SCAP: variants seen among roughly 807,000 people sequenced by gnomAD.
SCAP encodes SREBF chaperone.
In SCAP, 65 loss-of-function variants were observed where a neutral mutation model predicts 123.6. The ratio of observed to expected loss-of-function variants is 0.53; its 90% CI spans 0.43 to 0.65. The LOEUF (loss-of-function observed/expected upper bound fraction) is 0.65. SCAP is among the 30% of genes least tolerant of loss of function. SCAP has a pLI of 0.00. For synonymous variants in SCAP, 740 were observed against 726.3 expected (o/e 1.02, Z -0.30); for missense variants, 1,398 against 1,712.5 (o/e 0.82, Z 3.24).
chr3:47,419,253 G>C lies in SCAP; in HGVS notation c.1940+75C>G. The C allele has an allele frequency of 6.6e-7, 1 of 1,508,994 alleles. No individual in the cohort carries two copies. The highest frequency in any genetic ancestry group is 9.0e-7 in the Non-Finnish European group (1 of 1,117,028). 93.5% of individuals were successfully genotyped at this position (1,508,994 alleles called of 1,614,324 possible). A position where few individuals can be genotyped will look rare whatever the true frequency, so the allele number is the denominator to read the frequency against. On this transcript the variant is annotated intron_variant, in intron 13 of 22. Coordinates refer to ENST00000265565, the MANE Select transcript of SCAP (RefSeq NM_012235.4). The surrounding 1 kb of genome is among the most constrained non-coding windows in gnomAD (Gnocchi z 5.0). ...TTATTTGCATAATTCAAACCTGTGG[G>C]CCTCCTGCATTGGGGAAAGGGGATG...
Position 47,420,424 on chromosome 3 carries a change from G to A in SCAP, c.1563+130C>T, listed in dbSNP as rs529688082. 2,004 of 813,576 alleles carry A rather than the reference G, an allele frequency of 2.5e-3. 8 individuals carry two copies. Among genetic ancestry groups the A allele is most frequent in the Non-Finnish European group, 3.1e-3 (1,658 of 531,210 alleles). The allele number at this position is 813,576 out of a possible 1,614,324, so 50.4% of individuals were successfully genotyped here. A position where few individuals can be genotyped will look rare whatever the true frequency, so the allele number is the denominator to read the frequency against. The stretch of plus-strand genomic sequence containing the variant: ...AGGACACAACGGGCAACTCCCCAGA[G>A]CCAGGCTTCCAGGGGCCACCAGGGC... On this transcript the variant is annotated intron_variant, in intron 12 of 22. Coordinates refer to ENST00000265565, the MANE Select transcript of SCAP (RefSeq NM_012235.4). The surrounding 1 kb of genome is among the most constrained non-coding windows in gnomAD (Gnocchi z 5.0).
intron 1 of SCAP, among the ~76,000 whole-genome samples, chr3:47,455,894 G>C (rs964529393): frequency 3.5e-4 from 54 of 152,258 alleles, no homozygotes; most frequent in Non-Finnish European, 2.1e-4. Flanking sequence ...AAACATGCTA[G>C]AGTAATTAAA....
intron 1 of SCAP, among the ~76,000 whole-genome samples, chr3:47,445,468 G>C (rs1706998279): frequency 6.6e-6 from 1 of 151,412 alleles, no homozygotes; most frequent in African/African-American, 2.4e-5. Flanking sequence ...GGCTGCTCTC[G>C]AACTCCTAAC....
rs1708123650 is a variant in SCAP at position 47,473,086 on chromosome 3, A to AAAAAACAAAAAAAAAAAAAC, written c.-99+2712_-99+2713insGTTTTTTTTTTTTTGTTTTT. Among the ~76,000 whole-genome samples, 3 of 144,066 alleles carry AAAAAACAAAAAAAAAAAAAC rather than the reference A, an allele frequency of 2.1e-5. No individual in the cohort carries two copies. In the Admixed American group the frequency reaches 2.1e-4, roughly 10 times the overall value. The allele number at this position is 144,066 out of a possible 152,430, so 94.5% of individuals were successfully genotyped here. A position where few individuals can be genotyped will look rare whatever the true frequency, so the allele number is the denominator to read the frequency against. On this transcript the variant is annotated intron_variant, in intron 1 of 22. Coordinates refer to ENST00000265565, the MANE Select transcript of SCAP (RefSeq NM_012235.4). ...GAAGAGCGAAACTCCATCTCAAAAA[A>AAAAAACAAAAAAAAAAAAAC]AAAAAAAAAAAAACAGACTGTGGAA...
chr3:47,465,408 A>G (rs1707786073), intron 1 of SCAP, among the ~76,000 whole-genome samples: 1 of 152,162 alleles, frequency 6.6e-6, no homozygotes, highest in African/African-American at 2.4e-5. Context: ...TCTTTAAATG[A>G]CAACGTTATC....
At chr3:47,447,704 A>T (rs59995300) in intron 1 of SCAP, among the ~76,000 whole-genome samples, 20 of 150,856 alleles carry the variant, frequency 1.3e-4, no homozygotes, top group Non-Finnish European at 1.5e-5. Context: ...AAAAAAGAAA[A>T]GAAAAGAAAA....
At chr3:47,434,079 C>T (rs141687171) in intron 3 of SCAP, among the ~76,000 whole-genome samples, 1 of 152,300 alleles carries the variant, frequency 6.6e-6, no homozygotes, top group Non-Finnish European at 1.5e-5. Context: ...CCACTGACAC[C>T]ATGTATAGTT....
At position 47,417,505 on chromosome 3, in the gene SCAP, C is replaced by G; in HGVS notation, c.2769G>C (p.Glu923Asp). The change falls in exon 17 of 23, where the codon GAG becomes GAC. Residue 923 changes from glutamate to aspartate, a missense_variant. Glu to Asp is a conservative substitution (Grantham distance 45). This residue lies in a region of SCAP where 828 missense variants were observed against 882.5 expected (regional missense o/e 0.94). Coordinates refer to ENST00000265565, the MANE Select transcript of SCAP (RefSeq NM_012235.4). ...CTGGTGTGCAGACGGCCGCCAGCCC[C>G]TCCTCCTGGTACACCCGCTGCACCA... ...SCLVQRVYQE[E>D]GLAAVCTPAL... 6.4e-7 allele frequency: 1 copy of G among 1,554,940 alleles called. No individual in the cohort carries two copies. The highest frequency in any genetic ancestry group is 8.7e-7 in the Non-Finnish European group (1 of 1,149,950).
At position 47,435,468 on chromosome 3, in the gene SCAP, ATAC is replaced by A. The variant is rs1706537900; in HGVS notation, c.123-334_123-332del. Among the ~76,000 whole-genome samples, 5 of 34,232 alleles carry A rather than the reference ATAC, an allele frequency of 1.5e-4. No homozygotes were observed. In the Admixed American group the frequency reaches 1.9e-3, roughly 13 times the overall value. 22.5% of individuals were successfully genotyped at this position (34,232 alleles called of 152,430 possible). On this transcript the variant is annotated intron_variant, in intron 2 of 22. Coordinates refer to ENST00000265565, the MANE Select transcript of SCAP (RefSeq NM_012235.4). ...TAACATTAACATATATAATATAAAC[ATAC>A]ACACACACACACACACACACACACA... is the stretch of plus-strand genomic sequence containing the variant.
chr3:47,426,680 G>A (rs995056656), intron 6 of SCAP, among the ~76,000 whole-genome samples: 1 of 152,032 alleles, frequency 6.6e-6, no homozygotes, highest in Non-Finnish European at 1.5e-5. Context: ...CTCATGATCC[G>A]CCTGCCTCGG....
At chr3:47,428,421 C>G (rs1191870506) in intron 4 of SCAP, 92 bp downstream of exon 4, 2 of 1,313,686 alleles carry the variant, frequency 1.5e-6, no homozygotes, top group Non-Finnish European at 2.1e-6. Flanking sequence ...CTCTGCAGAG[C>G]TGACTGGCTC....
In SCAP at chr3:47,455,985, T is replaced by C. The variant is rs1167110653; in HGVS notation, c.-98-12894A>G. Among the ~76,000 whole-genome samples the C allele has an allele frequency of 3.3e-5, 5 of 152,360 alleles. No homozygotes were observed. In the East Asian group the frequency reaches 9.6e-4, roughly 29 times the overall value. ...AGGAATAGACCAAAATGTACACATATGGCAAAGTATACTATATACAGTAAA... is the reference window on the plus strand; with the variant it reads ...AGGAATAGACCAAAATGTACACATACGGCAAAGTATACTATATACAGTAAA... On this transcript the variant is annotated intron_variant, in intron 1 of 22. Transcript: ENST00000265565.
Position 47,420,425 on chromosome 3 carries a change from C to A in SCAP, c.1563+129G>T, listed in dbSNP as rs1234577500. On this transcript the variant is annotated intron_variant, in intron 12 of 22. Transcript: ENST00000265565. The surrounding 1 kb of genome is among the most constrained non-coding windows in gnomAD (Gnocchi z 5.0). Reference sequence around the variant, plus strand: ...GGACACAACGGGCAACTCCCCAGAGCCAGGCTTCCAGGGGCCACCAGGGCC... The same window carrying A: ...GGACACAACGGGCAACTCCCCAGAGACAGGCTTCCAGGGGCCACCAGGGCC... The A allele has an allele frequency of 2.3e-5, 19 of 824,892 alleles. No homozygotes were observed. The highest frequency in any genetic ancestry group is 3.3e-5 in the Non-Finnish European group (18 of 541,698). 51.1% of individuals were successfully genotyped at this position (824,892 alleles called of 1,614,324 possible).
Position 47,417,452 on chromosome 3 carries a change from A to T in SCAP, c.2822T>A (p.Val941Glu). 6.4e-7 allele frequency: 1 copy of T among 1,552,218 alleles called. No individual in the cohort carries two copies. The highest frequency in any genetic ancestry group is 1.4e-5 in the African/African-American group (1 of 72,966). Residue 941 changes from valine (V) to glutamate (E), a missense_variant, in exon 17 of 23, where the codon GTG becomes GAG. Physicochemically the swap from Val to Glu is moderately radical, Grantham distance 121 (BLOSUM62 -2). This residue lies in a region of SCAP where 828 missense variants were observed against 882.5 expected (regional missense o/e 0.94). Transcript: ENST00000265565. ...CTCGTCCTCAGGGGCCTGGGACAGC[A>T]CCGGCCCAGGCGAGGGTGGGCGCAG... ...PALRPPSPGP[V>E]LSQAPEDEGG...
chr3:47,458,811 ATTTC>A (rs1403399495), intron 1 of SCAP, among the ~76,000 whole-genome samples: 2 of 152,048 alleles, frequency 1.3e-5, no homozygotes, highest in Non-Finnish European at 2.9e-5. Context: ...ATTTTTATTT[ATTTC>A]TTTATTTGAG....
In SCAP at chr3:47,447,464, C is replaced by T. The variant is rs9867204; in HGVS notation, c.-98-4373G>A. Among the ~76,000 whole-genome samples, 218 of 152,054 alleles carry T rather than the reference C, an allele frequency of 1.4e-3. 1 individual carries two copies. Among genetic ancestry groups the T allele is most frequent in the African/African-American group, 5.0e-3 (209 of 41,456 alleles). On this transcript the variant is annotated intron_variant, in intron 1 of 22. Transcript: ENST00000265565. ...TAGAACTTGGTGAGGCAAAGGTGGG[C>T]GGATTACAAGGTCAGAAGTTCAAGA...
At chr3:47,434,730 G>A (rs548767810) in intron 3 of SCAP, 23 of 298,840 alleles carry the variant, frequency 7.7e-5, no homozygotes, top group South Asian at 2.7e-4. Flanking sequence ...CCAGCTAATC[G>A]GGAGGCTGAG....
At chr3:47,424,097 G>T in intron 8 of SCAP, 52 bp from the exon 9 acceptor site, 2 of 1,383,360 alleles carry the variant, frequency 1.4e-6, no homozygotes, top group Non-Finnish European at 2.1e-6. Context: ...GTTCCCAACA[G>T]ACTGGGGCCC....
At chr3:47,476,180 A>C (rs73081205), upstream of SCAP, 56,959 of 152,078 alleles carry the variant, frequency 0.37, 11,088 homozygotes, top group East Asian at 0.53. Flanking sequence ...AACTTGCAGA[A>C]AGCCGGGCAC....
Sources: gnomAD v4.1 joint callset for allele counts (sites outside exome capture counted in the v4.1 genomes callset) on GRCh38, gnomAD v4.1.1 for gene constraint, gnomAD v4.1.1 regional missense constraint, Gnocchi (gnomAD v3.1) non-coding constraint, MANE v1.5 for transcripts, NCBI Gene and HGNC (gene_info 2026-07-23, HGNC 2026-07-21) for gene names.